The following CHRNA5 variants were observed in gnomAD, a reference collection of about 807,000 sequenced individuals.
The protein encoded by CHRNA5 is neuronal acetylcholine receptor subunit alpha-5.
Under a neutral mutation model 41.2 loss-of-function variants are expected in CHRNA5, and 28 were observed. That is an observed-to-expected ratio of 0.68 (90% CI 0.50 to 0.93). CHRNA5 has a LOEUF of 0.93. Among genes scored for constraint, CHRNA5 ranks in the 40% least tolerant of loss-of-function variants. The pLI, the probability that CHRNA5 is intolerant of heterozygous loss-of-function variation, is 0.00. For missense variants in CHRNA5, 481 were observed against 581.9 expected, an observed-to-expected ratio of 0.83 and a Z score of 1.78; for synonymous variants, 188 against 205.8, an observed-to-expected ratio of 0.91 and a Z score of 0.74.
exon 6 of CHRNA5, chr15:78,595,212 C>G: frequency 1.2e-6 from 1 of 840,450 alleles, no homozygotes; most frequent in Non-Finnish European, 1.4e-6. Flanking sequence ...CATCCCTGAT[C>G]CCTCTTATAC....
At chr15:78,565,752 C>A in exon 1 of CHRNA5, 1 of 1,206,846 alleles carries the variant, frequency 8.3e-7, no homozygotes, top group South Asian at 4.1e-5. Flanking sequence ...CCCGCGCGCT[C>A]CGCCTGCTGC....
chr15:78,592,479 A>G (rs1249321810), intron 5 of CHRNA5, among the ~76,000 whole-genome samples: 1 of 152,128 alleles, frequency 6.6e-6, no homozygotes, highest in Non-Finnish European at 1.5e-5. Flanking sequence ...TAGAAAGGGG[A>G]GCCCCTGCTG....
At chr15:78,580,873 G>C (rs1314195232) in exon 2 of CHRNA5, 1 of 1,613,634 alleles carries the variant, frequency 6.2e-7, no homozygotes, top group Admixed American at 1.7e-5. Context: ...TTTATTTCAA[G>C]ACTACGAAAG....
At chr15:78,593,729 G>A (rs911466042) in exon 6 of CHRNA5, 3 of 152,264 alleles carry the variant, frequency 2.0e-5, no homozygotes, top group African/African-American at 7.2e-5. Flanking sequence ...ATTACTTAAT[G>A]TGATGCTTGA....
intron 1 of CHRNA5, among the ~76,000 whole-genome samples, chr15:78,568,661 G>A (rs2141394621): frequency 6.6e-6 from 1 of 152,178 alleles, no homozygotes; most frequent in South Asian, 2.1e-4. Context: ...AGACCCTGAT[G>A]TGTGATGTTC....
chr15:78,577,508 T>C (rs2052869769), intron 1 of CHRNA5, among the ~76,000 whole-genome samples: 1 of 152,206 alleles, frequency 6.6e-6, no homozygotes, highest in Admixed American at 6.5e-5. Flanking sequence ...ATCTTGAAGA[T>C]TCTCATTAGG....
chr15:78,565,893 C>A, intron 1 of CHRNA5, 68 bp downstream of exon 1: 1 of 1,009,972 alleles, frequency 9.9e-7, no homozygotes, highest in Non-Finnish European at 1.3e-6. Flanking sequence ...GCCCAGGAAG[C>A]CGCCAGGCGA....
chr15:78,590,530 C>T, exon 5 of CHRNA5: 2 of 1,614,184 alleles, frequency 1.2e-6, no homozygotes, highest in East Asian at 4.5e-5. Flanking sequence ...AAAGAGGAAA[C>T]TGAGAGTGGT....
intron 1 of CHRNA5, among the ~76,000 whole-genome samples, chr15:78,576,173 GTCTC>G (rs2052854681): frequency 6.6e-6 from 1 of 152,182 alleles, no homozygotes; most frequent in Non-Finnish European, 1.5e-5. Context: ...TTGAGTTAGA[GTCTC>G]TCTCTGTCTC....
chr15:78,593,275 A>G, exon 6 of CHRNA5: 2 of 1,583,576 alleles, frequency 1.3e-6, no homozygotes, highest in Non-Finnish European at 1.7e-6. Flanking sequence ...GGACTGAAGT[A>G]TACATTTAGT....
chr15:78,578,521 A>G (rs562646312), intron 1 of CHRNA5, among the ~76,000 whole-genome samples: 1 of 152,192 alleles, frequency 6.6e-6, no homozygotes, highest in East Asian at 1.9e-4. Context: ...TAAATAAATA[A>G]AAAATAAATA....
At position 78,588,193 on chromosome 15, in the gene CHRNA5, T is replaced by C. The variant is rs767451621; in HGVS notation, c.304-121T>C. ...CATAATAAGAAAGACAGGGAGGTGT[T>C]CTCTATTGGGGGTAGAGATGATCTC... On this transcript the variant is annotated intron_variant, in intron 3 of 5. Coordinates refer to ENST00000299565, the Ensembl canonical transcript of CHRNA5. This position sits in a 1 kb window ranked among gnomAD's most constrained non-coding sequence, Gnocchi z 4.1. The C allele has an allele frequency of 2.9e-4, 144 of 504,456 alleles. No homozygotes were observed. Among genetic ancestry groups the C allele is most frequent in the Non-Finnish European group, 4.3e-4 (121 of 282,482 alleles). 31.2% of individuals were successfully genotyped at this position (504,456 alleles called of 1,614,324 possible). A position where few individuals can be genotyped will look rare whatever the true frequency, so the allele number is the denominator to read the frequency against.
chr15:78,574,652 A>G lies in CHRNA5; in HGVS notation c.107-6159A>G, dbSNP rs984017700. On this transcript the variant is annotated intron_variant, in intron 1 of 5. Transcript: ENST00000299565. Reference sequence around the variant, plus strand: ...CCATACCCATTTAACAATTATTGACATATTGCTAACAGATATCCTTATTTT... The same window carrying G: ...CCATACCCATTTAACAATTATTGACGTATTGCTAACAGATATCCTTATTTT... Among the ~76,000 whole-genome samples, 4 of 152,270 alleles carry G rather than the reference A, an allele frequency of 2.6e-5. No homozygotes were observed. In the East Asian group the frequency reaches 5.8e-4, roughly 22 times the overall value.
chr15:78,579,406 A>C (rs2052889641), intron 1 of CHRNA5, among the ~76,000 whole-genome samples: 1 of 152,054 alleles, frequency 6.6e-6, no homozygotes, highest in Admixed American at 6.6e-5. Context: ...GGCGTGTGCC[A>C]CCATGCCTGA....
At chr15:78,574,809 G>C (rs543350163) in intron 1 of CHRNA5, among the ~76,000 whole-genome samples, 1 of 151,888 alleles carries the variant, frequency 6.6e-6, no homozygotes, top group East Asian at 1.9e-4. Context: ...GCAAAACCCT[G>C]TCTCTACAAA....
Position 78,583,408 on chromosome 15 carries a change from T to C in CHRNA5, c.258+2446T>C, listed in dbSNP as rs141729400. Among the ~76,000 whole-genome samples the C allele has an allele frequency of 3.1e-3, 471 of 152,244 alleles. 8 individuals carry two copies. Among genetic ancestry groups the C allele is most frequent in the African/African-American group, 0.011 (453 of 41,572 alleles). On this transcript the variant is annotated intron_variant, in intron 2 of 5. Coordinates refer to ENST00000299565, the Ensembl canonical transcript of CHRNA5. The stretch of plus-strand genomic sequence containing the variant: ...GAAGAGTAACACATTTGAAAAATAC[T>C]GTCGGCCGGGCACAGTGGCTCACGC...
At chr15:78,578,435 A>G (rs1260395786) in intron 1 of CHRNA5, among the ~76,000 whole-genome samples, 4 of 151,706 alleles carry the variant, frequency 2.6e-5, no homozygotes, top group Non-Finnish European at 4.4e-5. Flanking sequence ...TGAACCTGGG[A>G]GGTGGAGGTT....
At chr15:78,593,406 T>C (rs2053044306) in exon 6 of CHRNA5, 3 of 661,234 alleles carry the variant, frequency 4.5e-6, no homozygotes, top group Non-Finnish European at 4.7e-6. Flanking sequence ...GATGATCCAT[T>C]TGAACAGTTG....
intron 2 of CHRNA5, among the ~76,000 whole-genome samples, chr15:78,584,816 G>C (rs1043430798): frequency 9.9e-5 from 15 of 152,212 alleles, no homozygotes; most frequent in African/African-American, 3.4e-4. Flanking sequence ...ACAGGGATCA[G>C]CAGTTATTCT....
Sources: gnomAD v4.1 joint callset for allele counts (sites outside exome capture counted in the v4.1 genomes callset) on GRCh38, gnomAD v4.1.1 for gene constraint, Gnocchi (gnomAD v3.1) non-coding constraint, MANE v1.5 for transcripts, NCBI Gene and HGNC (gene_info 2026-07-23, HGNC 2026-07-21) for gene names.